The following PGM5 variants were observed in gnomAD, a reference collection of about 807,000 sequenced individuals.
PGM5 encodes the protein phosphoglucomutase-like protein 5.
Under a neutral mutation model 59.2 loss-of-function variants are expected in PGM5, and 23 were observed. The observed-to-expected ratio is 0.39, with a 90% confidence interval of 0.28 to 0.55. The LOEUF is 0.55. Among genes scored for constraint, PGM5 ranks in the 20% least tolerant of loss-of-function variants. The pLI, the probability that PGM5 is intolerant of heterozygous loss-of-function variation, is 0.66. For synonymous variants in PGM5, 214 were observed against 286.0 expected, an observed-to-expected ratio of 0.75 and a Z score of 2.54; for missense variants, 574 against 748.3, an observed-to-expected ratio of 0.77 and a Z score of 2.72.
At chr9:68,510,146 A>ATTTT (rs10580007) in intron 10 of PGM5, among the ~76,000 whole-genome samples, 3 of 86,826 alleles carry the variant, frequency 3.5e-5, no homozygotes, top group African/African-American at 1.0e-4. Flanking sequence ...TGAAATCAGC[A>ATTTT]TTTTTTTTTT....
chr9:68,517,090 G>C (rs1232667763), intron 10 of PGM5, among the ~76,000 whole-genome samples: 1 of 150,520 alleles, frequency 6.6e-6, no homozygotes, highest in East Asian at 1.9e-4. Context: ...CTCCATATTG[G>C]TCAGACTGGC....
chr9:68,459,236 G>A (rs2132075619), intron 6 of PGM5, among the ~76,000 whole-genome samples: 2 of 152,202 alleles, frequency 1.3e-5, no homozygotes, highest in African/African-American at 4.8e-5. Context: ...TACAGAAAAG[G>A]CACAACTCAT....
At chr9:68,524,250 A>G (rs903981531) in intron 10 of PGM5, among the ~76,000 whole-genome samples, 4 of 152,158 alleles carry the variant, frequency 2.6e-5, no homozygotes, top group Admixed American at 6.5e-5. Flanking sequence ...ATCAAAATCA[A>G]TGTCCAAAAA....
Position 68,418,625 on chromosome 9 carries a change from G to T in PGM5, c.1043+26152G>T, listed in dbSNP as rs375164850. Among the ~76,000 whole-genome samples, 6 of 151,918 alleles carry T rather than the reference G, an allele frequency of 3.9e-5. No individual in the cohort carries two copies. The East Asian group carries it at 1.2e-3, about 29-fold the overall frequency. On this transcript the variant is annotated intron_variant, in intron 6 of 10. Coordinates refer to ENST00000396396, the MANE Select transcript of PGM5 (RefSeq NM_021965.4). ...TCCCCTGTGTTTCTCACCTTGCTGCGGCCTGCTGTTTGGCAGGACGACTTG... is the reference window on the plus strand; with the variant it reads ...TCCCCTGTGTTTCTCACCTTGCTGCTGCCTGCTGTTTGGCAGGACGACTTG...
At chr9:68,375,903 G>C (rs1554677583) in intron 1 of PGM5, among the ~76,000 whole-genome samples, 5 of 152,326 alleles carry the variant, frequency 3.3e-5, no homozygotes, top group Non-Finnish European at 4.4e-5. Flanking sequence ...ATTCTAAGCA[G>C]AGGAAAAAGA....
chr9:68,403,713 T>C (rs1368327513), intron 6 of PGM5, among the ~76,000 whole-genome samples: 2 of 152,160 alleles, frequency 1.3e-5, no homozygotes, highest in African/African-American at 2.4e-5. Context: ...CTATTCCTTA[T>C]TTGTGAGGGC....
intron 6 of PGM5, among the ~76,000 whole-genome samples, chr9:68,457,386 A>G (rs1823794877): frequency 6.6e-6 from 1 of 152,226 alleles, no homozygotes; most frequent in Non-Finnish European, 1.5e-5. Context: ...CTTTGGGAAC[A>G]CTGATAATGC....
chr9:68,441,191 A>G (rs770360298), intron 6 of PGM5, among the ~76,000 whole-genome samples: 69 of 152,104 alleles, frequency 4.5e-4, no homozygotes, highest in Admixed American at 1.0e-3. Context: ...GTGCAAATAA[A>G]TATATTGGTG....
intron 10 of PGM5, among the ~76,000 whole-genome samples, chr9:68,527,101 G>A (rs1188668786): frequency 2.0e-5 from 3 of 152,190 alleles, no homozygotes; most frequent in Admixed American, 1.3e-4. Context: ...AGTTTGTAGA[G>A]TTAAGTGGAG....
chr9:68,448,313 C>A (rs1194856321), intron 6 of PGM5, among the ~76,000 whole-genome samples: 10 of 152,164 alleles, frequency 6.6e-5, no homozygotes, highest in Admixed American at 6.5e-4. Context: ...CCAGGGCACC[C>A]AGGTAGCCGA....
rs782169836 is a variant in PGM5, at chr9:68,384,463, A to C, written c.490A>C (p.Ile164Leu). 2.5e-6 allele frequency: 4 copies of C among 1,602,712 alleles called. No individual in the cohort carries two copies. Among genetic ancestry groups the C allele is most frequent in the African/African-American group, 1.3e-5 (1 of 74,700 alleles). The change falls in exon 3 of 11, where the codon ATA becomes CTA. Residue 164 changes from isoleucine to leucine, a missense_variant. Physicochemically the swap from Ile to Leu is conservative, Grantham distance 5 (BLOSUM62 2). Coordinates refer to ENST00000396396, the MANE Select transcript of PGM5 (RefSeq NM_021965.4). ...QISKTIEEYAICPDLRIDLSR... is the reference protein window; with the variant it reads ...QISKTIEEYALCPDLRIDLSR... ...CAGCAAAACGATTGAGGAATATGCTATATGTCCTGATCTCCGAATCGACCT... is the reference window on the plus strand; with the variant it reads ...CAGCAAAACGATTGAGGAATATGCTCTATGTCCTGATCTCCGAATCGACCT...
At chr9:68,460,913 A>G (rs1434378197) in intron 6 of PGM5, among the ~76,000 whole-genome samples, 3 of 152,168 alleles carry the variant, frequency 2.0e-5, no homozygotes, top group Non-Finnish European at 4.4e-5. Context: ...AGCACACAGC[A>G]TATTCAAGAA....
chr9:68,478,550 G>C (rs929574924), intron 7 of PGM5, among the ~76,000 whole-genome samples: 1 of 152,216 alleles, frequency 6.6e-6, no homozygotes, highest in Non-Finnish European at 1.5e-5. Flanking sequence ...CTGGAGGCCA[G>C]AAGTCTAAAA....
At chr9:68,465,346 T>C in intron 7 of PGM5, 138 bp downstream of exon 7, 1 of 612,708 alleles carries the variant, frequency 1.6e-6, no homozygotes. Flanking sequence ...CCTAGTAGAG[T>C]ATGTGCTGTG....
At chr9:68,510,204 T>C (rs1824726644) in intron 10 of PGM5, among the ~76,000 whole-genome samples, 1 of 139,184 alleles carries the variant, frequency 7.2e-6, no homozygotes, top group South Asian at 2.3e-4. Context: ...CAGGCTGGAG[T>C]GCAGTGGCGC....
At position 68,484,541 on chromosome 9, in the gene PGM5, AACACACACAC is replaced by A. The variant is rs72293391; in HGVS notation, c.1479+521_1479+530del. 1.3e-4 allele frequency among the ~76,000 whole-genome samples: 17 copies of A among 132,330 alleles called. No individual in the cohort carries two copies. In the East Asian group the frequency reaches 1.8e-3, roughly 14 times the overall value. 86.8% of individuals were successfully genotyped at this position (132,330 alleles called of 152,430 possible). ...GGAGACAAAGTGAGACCATGTCTCA[AACACACACAC>A]ACACACACACACACACACACACACA... On this transcript the variant is annotated intron_variant, in intron 9 of 10. Coordinates refer to ENST00000396396, the MANE Select transcript of PGM5 (RefSeq NM_021965.4).
intron 6 of PGM5, among the ~76,000 whole-genome samples, chr9:68,406,920 G>A (rs1157422941): frequency 2.6e-5 from 4 of 151,098 alleles, no homozygotes; most frequent in Non-Finnish European, 5.9e-5. Context: ...TTCCACATGT[G>A]GATACTAGTG....
intron 6 of PGM5, among the ~76,000 whole-genome samples, chr9:68,415,816 T>TATCTATC (rs1419570921): frequency 5.5e-5 from 3 of 54,786 alleles, no homozygotes; most frequent in Non-Finnish European, 9.3e-5. Flanking sequence ...TCTATCTATC[T>TATCTATC]TATCTATCTA....
chr9:68,522,497 C>T (rs1289790444), intron 10 of PGM5, among the ~76,000 whole-genome samples: 4 of 152,070 alleles, frequency 2.6e-5, no homozygotes, highest in African/African-American at 9.7e-5. Flanking sequence ...GAAGGTGGAA[C>T]CATGGACTGG....
Sources: allele counts gnomAD v4.1 joint callset (sites outside exome capture counted in the v4.1 genomes callset), GRCh38; gene constraint gnomAD v4.1.1; transcripts MANE v1.5; gene names NCBI Gene and HGNC (gene_info 2026-07-23, HGNC 2026-07-21).